SCFD2: variants seen among roughly 807,000 people sequenced by gnomAD.
SCFD2 encodes the protein sec1 family domain-containing protein 2.
In SCFD2, 54 loss-of-function variants were observed where a neutral mutation model predicts 58.9. The ratio of observed to expected loss-of-function variants is 0.92; its 90% CI spans 0.74 to 1.15. The LOEUF is 1.15. Ranked by LOEUF, SCFD2 falls within the 50% of genes most tolerant of loss-of-function variation. The pLI is 0.00. For synonymous variants in SCFD2, 321 were observed against 335.9 expected (o/e 0.96, Z 0.49); for missense variants, 805 against 836.6 (o/e 0.96, Z 0.47).
chr4:53,145,325 A>C lies in SCFD2; in HGVS notation c.1561+8T>G. 1 of 1,613,810 alleles carries C rather than the reference A, an allele frequency of 6.2e-7. No individual in the cohort carries two copies. The highest frequency in any genetic ancestry group is 8.5e-7 in the Non-Finnish European group (1 of 1,179,908). On this transcript the variant is annotated splice_region_variant and intron_variant, in intron 5 of 8. Transcript: ENST00000401642. Reference sequence around the variant, plus strand: ...TGTTTGTGTCCTGTATCTTTGTTAGACACTCACCCGTAATTTTTTGCAGCA... The same window carrying C: ...TGTTTGTGTCCTGTATCTTTGTTAGCCACTCACCCGTAATTTTTTGCAGCA...
At position 53,341,871 on chromosome 4, in the gene SCFD2, A is replaced by C. The variant is rs540299427; in HGVS notation, c.1007+10727T>G. Among the ~76,000 whole-genome samples the C allele has an allele frequency of 8.6e-3, 1,311 of 152,296 alleles. 17 individuals carry two copies. Among genetic ancestry groups the C allele is most frequent in the African/African-American group, 0.03 (1,236 of 41,554 alleles). On this transcript the variant is annotated intron_variant, in intron 2 of 8. Coordinates refer to ENST00000401642, the MANE Select transcript of SCFD2 (RefSeq NM_152540.4). ...CCAGCCAAACTAAGCTTCAGAAGTGAAGGAGAAATAAAATCCTTTGCACAC... is the reference window on the plus strand; with the variant it reads ...CCAGCCAAACTAAGCTTCAGAAGTGCAGGAGAAATAAAATCCTTTGCACAC...
chr4:53,315,698 T>C (rs1257118527), intron 2 of SCFD2, among the ~76,000 whole-genome samples: 1 of 152,228 alleles, frequency 6.6e-6, no homozygotes. Flanking sequence ...CCCAAACTTA[T>C]GCTTCATAAT....
At chr4:53,070,839 T>G (rs150646085) in intron 5 of SCFD2, among the ~76,000 whole-genome samples, 3 of 152,126 alleles carry the variant, frequency 2.0e-5, no homozygotes, top group Admixed American at 2.0e-4. Context: ...AGTCATAGAT[T>G]CCTTTTCTCT....
chr4:53,170,620 G>A (rs1382082697), intron 4 of SCFD2, among the ~76,000 whole-genome samples: 1 of 152,026 alleles, frequency 6.6e-6, no homozygotes, highest in Non-Finnish European at 1.5e-5. Flanking sequence ...AGATTGCCTT[G>A]GGTCATATGA....
In SCFD2 at chr4:53,339,313, A is replaced by G. The variant is rs1733786275; in HGVS notation, c.1007+13285T>C. Among the ~76,000 whole-genome samples, 6 of 151,122 alleles carry G rather than the reference A, an allele frequency of 4.0e-5. No homozygotes were observed. The Admixed American group carries it at 4.0e-4, about 10-fold the overall frequency. ...CATCAGTAGATTGAGATAAGTTATT[A>G]CATGTTATTACATATATATGTATAC... On this transcript the variant is annotated intron_variant, in intron 2 of 8. Coordinates refer to ENST00000401642, the MANE Select transcript of SCFD2 (RefSeq NM_152540.4).
At chr4:53,310,773 G>T (rs926912450) in intron 3 of SCFD2, among the ~76,000 whole-genome samples, 1 of 152,004 alleles carries the variant, frequency 6.6e-6, no homozygotes, top group Non-Finnish European at 1.5e-5. Flanking sequence ...TGCTCATAAC[G>T]TTTTAACATG....
intron 5 of SCFD2, among the ~76,000 whole-genome samples, chr4:52,987,110 G>C: frequency 6.6e-6 from 1 of 152,068 alleles, no homozygotes; most frequent in East Asian, 1.9e-4. Context: ...GCTCACTGCA[G>C]CTCCGCCTCC....
chr4:53,357,097 G>A (rs2149169399), intron 1 of SCFD2, among the ~76,000 whole-genome samples: 1 of 152,088 alleles, frequency 6.6e-6, no homozygotes, highest in East Asian at 1.9e-4. Flanking sequence ...CCTATTCCTT[G>A]AGTAATAGAT....
intron 2 of SCFD2, among the ~76,000 whole-genome samples, chr4:53,323,097 T>TTC (rs1416180341): frequency 6.6e-6 from 1 of 152,256 alleles, no homozygotes; most frequent in African/African-American, 2.4e-5. Context: ...TGTGTCTATA[T>TTC]GCACATTTGT....
intron 3 of SCFD2, among the ~76,000 whole-genome samples, chr4:53,308,502 T>TTC (rs1417293428): frequency 6.6e-6 from 1 of 151,990 alleles, no homozygotes; most frequent in South Asian, 2.1e-4. Flanking sequence ...CTCTCTCTCT[T>TTC]TCTCTCTCTC....
chr4:53,099,593 G>A (rs1416255528), intron 5 of SCFD2, among the ~76,000 whole-genome samples: 2 of 152,194 alleles, frequency 1.3e-5, no homozygotes, highest in Admixed American at 6.5e-5. Context: ...AGGTGAAGGG[G>A]AGCCAGCATG....
At chr4:52,971,670 A>G (rs1028407061) in intron 5 of SCFD2, among the ~76,000 whole-genome samples, 8 of 152,208 alleles carry the variant, frequency 5.3e-5, no homozygotes, top group African/African-American at 1.9e-4. Flanking sequence ...AGGGAACGCC[A>G]CAAAGATACT....
intron 4 of SCFD2, among the ~76,000 whole-genome samples, chr4:53,169,101 C>T (rs1560367047): frequency 1.3e-5 from 2 of 152,202 alleles, no homozygotes; most frequent in South Asian, 4.1e-4. Flanking sequence ...ATAGGCCGGG[C>T]GTGGTGGCTC....
chr4:53,277,182 C>G (rs1731353108), intron 3 of SCFD2, among the ~76,000 whole-genome samples: 2 of 152,168 alleles, frequency 1.3e-5, no homozygotes, highest in Admixed American at 6.5e-5. Flanking sequence ...GAAAACAACT[C>G]CTTGATGATC....
chr4:52,923,881 G>C (rs940859160), intron 5 of SCFD2, among the ~76,000 whole-genome samples: 11 of 152,186 alleles, frequency 7.2e-5, no homozygotes, highest in African/African-American at 2.2e-4. Flanking sequence ...GGAGGTTATG[G>C]CTTCTCACTC....
At chr4:53,243,945 A>G (rs1292207355) in intron 4 of SCFD2, among the ~76,000 whole-genome samples, 1 of 152,196 alleles carries the variant, frequency 6.6e-6, no homozygotes, top group Non-Finnish European at 1.5e-5. Context: ...ATGAAGAGAC[A>G]TAACAGACTT....
At chr4:53,285,225 T>C (rs1731628914) in intron 3 of SCFD2, among the ~76,000 whole-genome samples, 1 of 152,198 alleles carries the variant, frequency 6.6e-6, no homozygotes, top group African/African-American at 2.4e-5. Context: ...TGCAGCCTTC[T>C]TGAGGCTAAC....
At chr4:52,908,324 C>T (rs1349103794) in intron 6 of SCFD2, among the ~76,000 whole-genome samples, 1 of 152,332 alleles carries the variant, frequency 6.6e-6, no homozygotes. Flanking sequence ...CCTGCGCTTT[C>T]TGAGCTGTTT....
At chr4:53,127,654 T>C (rs2148896913) in intron 5 of SCFD2, among the ~76,000 whole-genome samples, 1 of 152,270 alleles carries the variant, frequency 6.6e-6, no homozygotes, top group African/African-American at 2.4e-5. Context: ...TGGGCTGGGC[T>C]GGGAATCAGT....
Sources: allele counts gnomAD v4.1 joint callset (sites outside exome capture counted in the v4.1 genomes callset), GRCh38; gene constraint gnomAD v4.1.1; transcripts MANE v1.5; gene names NCBI Gene and HGNC (gene_info 2026-07-23, HGNC 2026-07-21).